The following SMOC1 variants were observed in gnomAD, a reference collection of about 807,000 sequenced individuals.
The protein encoded by SMOC1 is SPARC-related modular calcium-binding protein 1.
A neutral mutation model predicts 56.3 loss-of-function variants in SMOC1; 22 were observed. The observed-to-expected ratio is 0.39, with a 90% CI of 0.28 to 0.56. The LOEUF is 0.56. Ranked by LOEUF, SMOC1 falls within the 20% of genes least tolerant of loss-of-function variation. The pLI, the probability that SMOC1 is intolerant of heterozygous loss-of-function variation, is 0.61. For synonymous variants in SMOC1, 193 were observed against 215.0 expected, an observed-to-expected ratio of 0.90 and a Z score of 0.89; for missense variants, 509 against 565.4, an observed-to-expected ratio of 0.90 and a Z score of 1.01.
At chr14:69,976,693 C>G (rs1389979879) in intron 4 of SMOC1, among the ~76,000 whole-genome samples, 2 of 152,174 alleles carry the variant, frequency 1.3e-5, no homozygotes, top group African/African-American at 4.8e-5. Context: ...TGGCTCAGCT[C>G]TCTCAAAAAA....
chr14:69,948,071 G>A (rs1216387677), intron 1 of SMOC1, among the ~76,000 whole-genome samples: 1 of 152,194 alleles, frequency 6.6e-6, no homozygotes, highest in Non-Finnish European at 1.5e-5. Context: ...TGGGTTCACT[G>A]TTGGTGATCA....
At chr14:69,983,625 G>A (rs1004161568) in intron 5 of SMOC1, among the ~76,000 whole-genome samples, 3 of 152,210 alleles carry the variant, frequency 2.0e-5, no homozygotes, top group Non-Finnish European at 4.4e-5. Flanking sequence ...CCCTTGGAGC[G>A]GGTGGCCTGA....
intron 1 of SMOC1, chr14:69,885,739 A>G: frequency 6.8e-7 from 1 of 1,469,566 alleles, no homozygotes; most frequent in Non-Finnish European, 9.5e-7. Context: ...CTCGAAGGAC[A>G]GGTGGTCTCT....
intron 1 of SMOC1, among the ~76,000 whole-genome samples, chr14:69,883,220 T>C (rs1883692948): frequency 6.6e-6 from 1 of 152,194 alleles, no homozygotes; most frequent in African/African-American, 2.4e-5. Flanking sequence ...AATAGATCTC[T>C]TGAATTTATT....
chr14:69,941,931 AAC>A (rs1439023845), intron 1 of SMOC1, among the ~76,000 whole-genome samples: 1 of 152,142 alleles, frequency 6.6e-6, no homozygotes, highest in Non-Finnish European at 1.5e-5. Flanking sequence ...AGCCCTACAG[AAC>A]ACAGTGTCAG....
At chr14:69,934,341 A>G (rs974928050) in intron 1 of SMOC1, among the ~76,000 whole-genome samples, 3 of 152,076 alleles carry the variant, frequency 2.0e-5, no homozygotes, top group Admixed American at 6.6e-5. Flanking sequence ...TCTGGCATCC[A>G]TCTCCATCCA....
chr14:70,000,976 A>C (rs1471591059), intron 7 of SMOC1, among the ~76,000 whole-genome samples: 2 of 152,214 alleles, frequency 1.3e-5, no homozygotes, highest in East Asian at 1.9e-4. Context: ...GAGACATAGC[A>C]GGTTAGGTGT....
chr14:70,025,202 A>T (rs1885878869), intron 11 of SMOC1, among the ~76,000 whole-genome samples: 1 of 152,224 alleles, frequency 6.6e-6, no homozygotes, highest in African/African-American at 2.4e-5. Context: ...GAAGATGCAG[A>T]TTTGGGTGAT....
rs1327376921 is a variant in SMOC1 at position 70,031,641 on chromosome 14, CCACAGGCAT to C, written c.*1394_*1402del. ...TACAGGGAAATCCCGGCCCAGCTTT[CCACAGGCAT>C]CACAGGCATCTTCCGCGGATTCTAG... is the stretch of plus-strand genomic sequence containing the variant. On this transcript the variant is annotated 3_prime_UTR_variant, in exon 12 of 12. Transcript: ENST00000361956. 1.3e-5 allele frequency: 2 copies of C among 152,322 alleles called. No individual in the cohort carries two copies. Among genetic ancestry groups the C allele is most frequent in the South Asian group, 2.1e-4 (1 of 4,828 alleles). 9.4% of individuals were successfully genotyped at this position (152,322 alleles called of 1,614,324 possible).
intron 1 of SMOC1, among the ~76,000 whole-genome samples, chr14:69,909,032 G>A (rs990609023): frequency 9.2e-5 from 14 of 151,930 alleles, no homozygotes; most frequent in African/African-American, 3.4e-4. Context: ...GGATTGGCTC[G>A]TTCACTGTAG....
At chr14:69,988,869 C>T (rs1884463545) in intron 5 of SMOC1, among the ~76,000 whole-genome samples, 1 of 152,148 alleles carries the variant, frequency 6.6e-6, no homozygotes, top group East Asian at 1.9e-4. Flanking sequence ...TACATTGTCA[C>T]ATGTATTAGT....
intron 5 of SMOC1, among the ~76,000 whole-genome samples, chr14:69,983,192 A>G (rs540686733): frequency 6.6e-6 from 1 of 152,326 alleles, no homozygotes; most frequent in East Asian, 1.9e-4. Context: ...ATTTCCTGCC[A>G]TATCCTCATC....
At chr14:70,024,402 A>G (rs1885848019) in intron 11 of SMOC1, among the ~76,000 whole-genome samples, 2 of 152,202 alleles carry the variant, frequency 1.3e-5, no homozygotes, top group Admixed American at 1.3e-4. Flanking sequence ...CAGCCTGTGA[A>G]CTAAGAATGA....
Position 70,011,585 on chromosome 14 carries a change from C to T in SMOC1, c.940+18C>T. ...GCTACCAGGTGGGAGACGATGCTGC[C>T]CTGCCGGCGCCATCACCTCCTTCTG... On this transcript the variant is annotated intron_variant, in intron 9 of 11. Transcript: ENST00000361956. The T allele has an allele frequency of 2.5e-6, 4 of 1,610,438 alleles. No individual in the cohort carries two copies. The South Asian group carries it at 4.4e-5, about 18-fold the overall frequency.
chr14:69,978,256 C>T (rs1205809621), intron 5 of SMOC1, among the ~76,000 whole-genome samples: 3 of 152,124 alleles, frequency 2.0e-5, no homozygotes, highest in Admixed American at 6.5e-5. Flanking sequence ...CTGGGGAGCT[C>T]GGTCAATCAA....
At chr14:69,911,177 A>G (rs1594797648) in intron 1 of SMOC1, among the ~76,000 whole-genome samples, 1 of 152,058 alleles carries the variant, frequency 6.6e-6, no homozygotes, top group Non-Finnish European at 1.5e-5. Context: ...TGTGTCCAGG[A>G]TTTGGATGGA....
chr14:69,962,165 T>G (rs367705823), intron 3 of SMOC1, among the ~76,000 whole-genome samples: 1 of 150,664 alleles, frequency 6.6e-6, no homozygotes, highest in East Asian at 1.9e-4. Context: ...CTCTCTCTCT[T>G]TTTTTTTTAT....
intron 10 of SMOC1, 116 bp from the exon 11 acceptor site, chr14:70,023,087 T>C: frequency 6.5e-7 from 1 of 1,531,690 alleles, no homozygotes; most frequent in Non-Finnish European, 9.0e-7. Flanking sequence ...GGGTGGACTT[T>C]GGCTTGGAGG....
rs373591380 is a variant in SMOC1 at position 69,988,530 on chromosome 14, C to T, written c.527-3887C>T. 1.1e-4 allele frequency among the ~76,000 whole-genome samples: 17 copies of T among 152,270 alleles called. No individual in the cohort carries two copies. The East Asian group carries it at 3.3e-3, about 29-fold the overall frequency. ...TGATTTATTTGTGATGACTTGGGCA[C>T]ACCTCCCTTTTTGTTTTAACAGCTT... On this transcript the variant is annotated intron_variant, in intron 5 of 11. Transcript: ENST00000361956.
Sources: allele counts gnomAD v4.1 joint callset (sites outside exome capture counted in the v4.1 genomes callset), GRCh38; gene constraint gnomAD v4.1.1; transcripts MANE v1.5; gene names NCBI Gene and HGNC (gene_info 2026-07-23, HGNC 2026-07-21).